The following SYNE4 variants were observed in gnomAD, a reference collection of about 807,000 sequenced individuals.
The protein encoded by SYNE4 is spectrin repeat containing nuclear envelope family member 4.
Under a neutral mutation model 46.9 loss-of-function variants are expected in SYNE4, and 41 were observed. The ratio of observed to expected loss-of-function variants is 0.87; its 90% CI spans 0.68 to 1.13. The LOEUF (loss-of-function observed/expected upper bound fraction) is 1.13. SYNE4 is among the 50% of genes most tolerant of loss of function. The probability of loss-of-function intolerance (pLI) is 0.00; values close to 1 mark genes in which losing one functional copy is unlikely to be tolerated. For missense variants in SYNE4, 492 were observed against 514.8 expected (o/e 0.96, Z 0.43); for synonymous variants, 221 against 219.5 (o/e 1.01, Z -0.06).
rs777241908 is a variant in SYNE4, at chr19:36,005,367, C to T, written c.938G>A (p.Arg313His). The T allele has an allele frequency of 1.4e-5, 22 of 1,614,046 alleles. No individual in the cohort carries two copies. Among genetic ancestry groups the T allele is most frequent in the South Asian group, 3.3e-5 (3 of 91,084 alleles). Residue 313 changes from arginine (R) to histidine (H), a missense_variant, in exon 6 of 8, where the codon CGT becomes CAT. Transcript: ENST00000324444. Reference sequence around the variant, plus strand: ...CCGGAGCAGGGAGTGTCTTTGGTGACGTGCTAAGCGTTTCTGGTGGCCGAG... The same window carrying T: ...CCGGAGCAGGGAGTGTCTTTGGTGATGTGCTAAGCGTTTCTGGTGGCCGAG... The part of the protein sequence containing the change: ...SGLGHQKRLA[R>H]HQRHSLLRKP...
chr19:36,008,385 G>C lies in SYNE4; in HGVS notation c.129-18C>G. 6.4e-7 allele frequency: 1 copy of C among 1,557,302 alleles called. No homozygotes were observed. Among genetic ancestry groups the C allele is most frequent in the Non-Finnish European group, 8.7e-7 (1 of 1,149,586 alleles). On this transcript the variant is annotated intron_variant, in intron 1 of 7. Coordinates refer to ENST00000324444, the MANE Select transcript of SYNE4 (RefSeq NM_001039876.3). ...GCTCTGGGCTAGGAGGCAGGGGGCG[G>C]TGACTGGGTGAGTCTCGACACCTCA...
chr19:36,008,235 A>G lies in SYNE4; in HGVS notation c.261T>C (p.Ala87=). Residue 87 remains alanine, a synonymous_variant, in exon 2 of 8, where the codon GCT becomes GCC. Coordinates refer to ENST00000324444, the MANE Select transcript of SYNE4 (RefSeq NM_001039876.3). ...WSTPSSYEDP[A]GGKHCEHPIS... is the part of the protein sequence containing the mutation. ...AGCTCACCTCACAGTGTTTGCCCCCAGCTGGGTCCTCGTAGGAAGAGGGTG... is the reference window on the plus strand; with the variant it reads ...AGCTCACCTCACAGTGTTTGCCCCCGGCTGGGTCCTCGTAGGAAGAGGGTG... 1 of 1,610,994 alleles carries G rather than the reference A, an allele frequency of 6.2e-7. No homozygotes were observed. Among genetic ancestry groups the G allele is most frequent in the Non-Finnish European group, 8.5e-7 (1 of 1,178,514 alleles).
rs145204031 is a variant in SYNE4 at position 36,008,219 on chromosome 19, C to T, written c.277G>A (p.Glu93Lys). Residue 93 changes from glutamate (E) to lysine (K), a missense_variant and splice_region_variant, in exon 2 of 8, where the codon GAG becomes AAG. Coordinates refer to ENST00000324444, the MANE Select transcript of SYNE4 (RefSeq NM_001039876.3). ...GGGTCTGGGTCACCTCAGCTCACCT[C>T]ACAGTGTTTGCCCCCAGCTGGGTCC... is the stretch of plus-strand genomic sequence containing the variant. The part of the protein sequence containing the change: ...YEDPAGGKHC[E>K]HPISGLEVLE... 9.4e-5 allele frequency: 152 copies of T among 1,610,438 alleles called. No individual in the cohort carries two copies. The African/African-American group carries it at 1.8e-3, about 19-fold the overall frequency.
rs112382150 is a variant in SYNE4 at position 36,005,389 on chromosome 19, C to A, written c.916G>T (p.Gly306Cys). The stretch of plus-strand genomic sequence containing the variant: ...TGACGTGCTAAGCGTTTCTGGTGGC[C>A]GAGGCCAGACTCCAGCATGTCCTGT... ...SRQDMLESGL[G>C]HQKRLARHQR... is the part of the protein sequence containing the mutation. Residue 306 changes from glycine (G) to cysteine (C), a missense_variant, in exon 6 of 8, where the codon GGC (glycine) becomes TGC (cysteine). Gly to Cys is a radical substitution (Grantham distance 159, BLOSUM62 -3). Coordinates refer to ENST00000324444, the MANE Select transcript of SYNE4 (RefSeq NM_001039876.3). The A allele has an allele frequency of 6.2e-7, 1 of 1,614,006 alleles. No individual in the cohort carries two copies. The highest frequency in any genetic ancestry group is 2.2e-5 in the East Asian group (1 of 44,880).
chr19:36,007,532 G>A, intron 2 of SYNE4: 1 of 985,336 alleles, frequency 1.0e-6, no homozygotes, highest in Non-Finnish European at 1.2e-6. Context: ...TGGACAGGGA[G>A]CGGGGCTGGG....
At position 36,006,497 on chromosome 19, in the gene SYNE4, T is replaced by A; in HGVS notation, c.793A>T (p.Thr265Ser). 1.2e-6 allele frequency: 2 copies of A among 1,611,590 alleles called. No individual in the cohort carries two copies. The highest frequency in any genetic ancestry group is 2.2e-5 in the South Asian group (2 of 90,582). The stretch of plus-strand genomic sequence containing the variant: ...CAGGGCACTCCTAGTGTCCGGGCTG[T>A]CTTTTGTCCCAAGGGCCCAAGGCCC... ...IGGLGPLGQK[T>S]ARTLGVPCEL... The change falls in exon 5 of 8, where the codon ACA (threonine) becomes TCA (serine). Residue 265 changes from threonine to serine, a missense_variant. Thr to Ser is a moderately conservative substitution (Grantham distance 58, BLOSUM62 1). Coordinates refer to ENST00000324444, the MANE Select transcript of SYNE4 (RefSeq NM_001039876.3).
At chr19:36,008,399 C>G (rs1242781365) in intron 1 of SYNE4, 32 bp from the exon 2 acceptor site, 2 of 1,562,210 alleles carry the variant, frequency 1.3e-6, no homozygotes, top group Non-Finnish European at 1.7e-6. Flanking sequence ...CTGGGTGAGT[C>G]TCGACACCTC....
At chr19:36,008,116 C>T in intron 2 of SYNE4, 101 bp downstream of exon 2, 1 of 1,437,450 alleles carries the variant, frequency 7.0e-7, no homozygotes, top group Non-Finnish European at 9.2e-7. Flanking sequence ...ACACCCAACA[C>T]CTTTCCAGAA....
intron 2 of SYNE4, 51 bp from the exon 3 acceptor site, chr19:36,007,319 C>T (rs749172723): frequency 2.0e-6 from 3 of 1,514,540 alleles, no homozygotes; most frequent in Non-Finnish European, 2.7e-6. Context: ...CAAGATATCA[C>T]CCCTGCTCCC....
At chr19:36,008,160 C>G (rs1395330652) in intron 2 of SYNE4, 57 bp downstream of exon 2, 1 of 1,549,780 alleles carries the variant, frequency 6.5e-7, no homozygotes, top group East Asian at 2.3e-5. Flanking sequence ...AGGCCAGACT[C>G]CAGGGGACAG....
At chr19:36,004,364 C>T (rs1976779173) in intron 6 of SYNE4, among the ~76,000 whole-genome samples, 1 of 152,224 alleles carries the variant, frequency 6.6e-6, no homozygotes, top group Admixed American at 6.5e-5. Context: ...CTACGATAGA[C>T]CTACAAAGCT....
rs2145362391 is a variant in SYNE4, at chr19:36,008,550, C to A, written c.128+4G>T. The A allele has an allele frequency of 6.2e-7, 1 of 1,613,618 alleles. No individual in the cohort carries two copies. The highest frequency in any genetic ancestry group is 1.7e-5 in the Admixed American group (1 of 60,028). ...GAACAAGCTTCCAAAGCCCCGGCCC[C>A]CACCTCGTGCTCTCCTCTCCGGACG... On this transcript the variant is annotated splice_donor_region_variant and intron_variant, in intron 1 of 7. Coordinates refer to ENST00000324444, the MANE Select transcript of SYNE4 (RefSeq NM_001039876.3).
chr19:36,003,661 CTCT>C lies in SYNE4; in HGVS notation c.980_982del (p.Lys327del), dbSNP rs745354036. ...ATCCTGGAGATGAGGAGATGCTTGC[CTCT>C]TCTTGTCCTAAGGAGGGAGAGCAGC... On this transcript the variant is annotated inframe_deletion, in exon 7 of 8. Transcript: ENST00000324444. 3 of 1,612,870 alleles carry C rather than the reference CTCT, an allele frequency of 1.9e-6. No individual in the cohort carries two copies. Among genetic ancestry groups the C allele is most frequent in the Non-Finnish European group, 2.5e-6 (3 of 1,179,624 alleles).
intron 3 of SYNE4, 74 bp downstream of exon 3, chr19:36,007,051 A>G (rs1968378079): frequency 1.3e-6 from 2 of 1,554,988 alleles, no homozygotes; most frequent in Non-Finnish European, 1.7e-6. Context: ...CACTCAACCC[A>G]TTTCCCATCC....
chr19:36,005,342 C>A lies in SYNE4; in HGVS notation c.963G>T (p.Arg321=). ...LARHQRHSLL[R]KPQDKKRQAS... ...TTGAGAACTGGCTCACCTGAGGCTT[C>A]CGGAGCAGGGAGTGTCTTTGGTGAC... is the stretch of plus-strand genomic sequence containing the variant. The change falls in exon 6 of 8, where the codon CGG becomes CGT. Residue 321 remains arginine, a synonymous_variant. Transcript: ENST00000324444. 1.2e-6 allele frequency: 2 copies of A among 1,614,010 alleles called. No individual in the cohort carries two copies. Among genetic ancestry groups the A allele is most frequent in the Non-Finnish European group, 1.7e-6 (2 of 1,179,978 alleles).
chr19:36,004,405 C>T (rs776458784), intron 6 of SYNE4, among the ~76,000 whole-genome samples: 9 of 152,214 alleles, frequency 5.9e-5, no homozygotes, highest in Non-Finnish European at 5.9e-5. Context: ...CCTGGCACCT[C>T]CTTATCCCCA....
Position 36,008,807 on chromosome 19 carries a change from C to T in SYNE4, c.-126G>A. ...CTGAGGCTGCAGGAGAGGCCCAGGACAGGTCTGGCTCCGCCCCTTCCAAGA... is the reference window on the plus strand; with the variant it reads ...CTGAGGCTGCAGGAGAGGCCCAGGATAGGTCTGGCTCCGCCCCTTCCAAGA... On this transcript the variant is annotated 5_prime_UTR_variant, in exon 1 of 8. Transcript: ENST00000324444. The T allele has an allele frequency of 2.1e-6, 3 of 1,439,276 alleles. No homozygotes were observed. The highest frequency in any genetic ancestry group is 2.7e-6 in the Non-Finnish European group (3 of 1,099,824). The allele number at this position is 1,439,276 out of a possible 1,614,324, so 89.2% of individuals were successfully genotyped here. A position where few individuals can be genotyped will look rare whatever the true frequency, so the allele number is the denominator to read the frequency against.
In SYNE4 at chr19:36,008,471, G is replaced by C; in HGVS notation, c.128+83C>G. ...TCTCCTATGTCCCCAGGCGATCACAGCCATGGCACCTCCTACCCTCACATG... is the reference window on the plus strand; with the variant it reads ...TCTCCTATGTCCCCAGGCGATCACACCCATGGCACCTCCTACCCTCACATG... On this transcript the variant is annotated intron_variant, in intron 1 of 7. Transcript: ENST00000324444. The C allele has an allele frequency of 2.5e-6, 4 of 1,605,718 alleles. No homozygotes were observed. In the South Asian group the frequency reaches 3.3e-5, roughly 13 times the overall value.
Position 36,008,779 on chromosome 19 carries a change from G to A in SYNE4, c.-98C>T, listed in dbSNP as rs998088125. 1 of 1,461,834 alleles carries A rather than the reference G, an allele frequency of 6.8e-7. No individual in the cohort carries two copies. Among genetic ancestry groups the A allele is most frequent in the Non-Finnish European group, 9.0e-7 (1 of 1,107,724 alleles). The allele number at this position is 1,461,834 out of a possible 1,614,324, so 90.6% of individuals were successfully genotyped here. ...AGAGCTCCTCCGCTGGAGTCACCCGGGCCTGAGGCTGCAGGAGAGGCCCAG... is the reference window on the plus strand; with the variant it reads ...AGAGCTCCTCCGCTGGAGTCACCCGAGCCTGAGGCTGCAGGAGAGGCCCAG... On this transcript the variant is annotated 5_prime_UTR_variant, in exon 1 of 8. Coordinates refer to ENST00000324444, the MANE Select transcript of SYNE4 (RefSeq NM_001039876.3).
Sources: allele counts gnomAD v4.1 joint callset (sites outside exome capture counted in the v4.1 genomes callset), GRCh38; gene constraint gnomAD v4.1.1; transcripts MANE v1.5; gene names NCBI Gene and HGNC (gene_info 2026-07-23, HGNC 2026-07-21).